The following NTRK3 variants were observed in gnomAD, a reference collection of about 807,000 sequenced individuals.
The protein encoded by NTRK3 is NT-3 growth factor receptor.
NTRK3 carries 24 observed loss-of-function variants against 91.7 expected under a neutral mutation model. The observed-to-expected ratio is 0.26, with a 90% CI of 0.19 to 0.37. The LOEUF is 0.37. NTRK3 is among the 10% of genes least tolerant of loss of function. The probability of loss-of-function intolerance (pLI) is 1.00; values close to 1 mark genes in which losing one functional copy is unlikely to be tolerated. For missense variants in NTRK3, 880 were observed against 1,068.9 expected, an observed-to-expected ratio of 0.82 and a Z score of 2.46; for synonymous variants, 483 against 404.0, an observed-to-expected ratio of 1.20 and a Z score of -2.34.
chr15:88,132,865 C>T (rs2041500019), intron 10 of NTRK3, among the ~76,000 whole-genome samples: 1 of 152,194 alleles, frequency 6.6e-6, no homozygotes, highest in Non-Finnish European at 1.5e-5. Context: ...GTGACCCTAG[C>T]AGGATGGAGA....
At chr15:88,022,171 G>C (rs1415969571) in intron 14 of NTRK3, among the ~76,000 whole-genome samples, 2 of 152,106 alleles carry the variant, frequency 1.3e-5, no homozygotes, top group East Asian at 1.9e-4. Context: ...GTGCATATGA[G>C]CTTCCTGGGG....
rs146291964 is a variant in NTRK3, at chr15:88,248,039, C to T, written c.248+7867G>A. Among the ~76,000 whole-genome samples the T allele has an allele frequency of 9.8e-3, 1,500 of 152,322 alleles. 26 individuals are homozygous for T. Among genetic ancestry groups the T allele is most frequent in the African/African-American group, 0.033 (1,383 of 41,568 alleles). On this transcript the variant is annotated intron_variant, in intron 3 of 18. Coordinates refer to ENST00000394480, the Ensembl canonical transcript of NTRK3. ...CTGGGAGAAGCCACTCAGCCCTCTG[C>T]TCTCCCATCCAGGCTCTCGCTGGCC... is the stretch of plus-strand genomic sequence containing the variant.
intron 17 of NTRK3, among the ~76,000 whole-genome samples, chr15:87,895,797 T>TTTTATTTTATTTA (rs1288019417): frequency 9.2e-5 from 14 of 151,452 alleles, no homozygotes; most frequent in African/African-American, 3.1e-4. Context: ...TTTCATTTTA[T>TTTTATTTTATTTA]TTTATTTTAT....
rs184243542 is a variant in NTRK3 at position 87,921,174 on chromosome 15, C to T, written c.2133+8017G>A. Among the ~76,000 whole-genome samples the T allele has an allele frequency of 1.9e-3, 294 of 152,232 alleles. 1 individual carries two copies. Among genetic ancestry groups the T allele is most frequent in the African/African-American group, 6.4e-3 (265 of 41,546 alleles). The stretch of plus-strand genomic sequence containing the variant: ...CCACTTCCTCGGGAATGGAATACAA[C>T]GCTCCTCCATTGTTCTCCTCTATAT... On this transcript the variant is annotated intron_variant, in intron 17 of 18. Coordinates refer to ENST00000394480, the Ensembl canonical transcript of NTRK3.
At chr15:88,030,846 T>C (rs998773026) in intron 14 of NTRK3, among the ~76,000 whole-genome samples, 1 of 152,200 alleles carries the variant, frequency 6.6e-6, no homozygotes, top group Non-Finnish European at 1.5e-5. Context: ...GTTCTAAAAT[T>C]CTTGTTTCAA....
intron 13 of NTRK3, among the ~76,000 whole-genome samples, chr15:88,119,865 A>G (rs1161007363): frequency 1.3e-5 from 2 of 152,216 alleles, no homozygotes; most frequent in African/African-American, 4.8e-5. Flanking sequence ...TTACTCAACA[A>G]TACCAATAGT....
At chr15:88,213,457 G>T (rs957286473) in intron 3 of NTRK3, among the ~76,000 whole-genome samples, 2 of 152,198 alleles carry the variant, frequency 1.3e-5, no homozygotes, top group Non-Finnish European at 2.9e-5. Context: ...GTGAGGGTGT[G>T]CCCACAGCCC....
chr15:88,101,520 T>C (rs1376649333), intron 13 of NTRK3, among the ~76,000 whole-genome samples: 1 of 152,226 alleles, frequency 6.6e-6, no homozygotes, highest in Non-Finnish European at 1.5e-5. Context: ...TTACTGGGTA[T>C]ATACCCAAAG....
chr15:88,136,785 A>G (rs2041918656), intron 7 of NTRK3, among the ~76,000 whole-genome samples, 176 bp from the exon 8 acceptor site: 1 of 152,222 alleles, frequency 6.6e-6, no homozygotes, highest in Non-Finnish European at 1.5e-5. Context: ...CCTCCCCAGT[A>G]GACATCAGAA....
chr15:87,940,498 G>T, intron 15 of NTRK3, 125 bp downstream of exon 15: 1 of 1,482,036 alleles, frequency 6.7e-7, no homozygotes, highest in South Asian at 1.1e-5. Flanking sequence ...TCGGAGCAAA[G>T]TCCTTTGATT....
chr15:87,929,852 A>C (rs909507136), intron 16 of NTRK3, among the ~76,000 whole-genome samples: 3 of 152,228 alleles, frequency 2.0e-5, no homozygotes, highest in African/African-American at 7.2e-5. Flanking sequence ...GAAATAAAGA[A>C]ATTGAGGCAC....
chr15:88,136,685 T>C, intron 7 of NTRK3, 76 bp from the exon 8 acceptor site: 2 of 1,542,658 alleles, frequency 1.3e-6, no homozygotes, highest in Non-Finnish European at 1.8e-6. Flanking sequence ...ATGGGGCTGA[T>C]GGTGGCACTT....
intron 14 of NTRK3, among the ~76,000 whole-genome samples, chr15:87,984,151 C>A (rs2074535371): frequency 6.6e-6 from 1 of 152,016 alleles, no homozygotes; most frequent in East Asian, 1.9e-4. Flanking sequence ...ATAGTCATAC[C>A]CTAACCAAGG....
At chr15:87,935,299 C>T (rs2069171588) in intron 15 of NTRK3, among the ~76,000 whole-genome samples, 1 of 152,154 alleles carries the variant, frequency 6.6e-6, no homozygotes, top group Non-Finnish European at 1.5e-5. Flanking sequence ...AGGGCAAGGA[C>T]ATGTGATCAG....
At chr15:88,112,286 C>T (rs2051494317) in intron 13 of NTRK3, among the ~76,000 whole-genome samples, 1 of 152,202 alleles carries the variant, frequency 6.6e-6, no homozygotes, top group Non-Finnish European at 1.5e-5. Context: ...AATAAACCAA[C>T]ATGTCAAGGC....
chr15:88,224,593 T>TA (rs1158051266), intron 3 of NTRK3, among the ~76,000 whole-genome samples: 2 of 152,228 alleles, frequency 1.3e-5, no homozygotes, highest in Non-Finnish European at 2.9e-5. Flanking sequence ...ATAAAGTCCA[T>TA]AGCAGGGCCT....
At chr15:87,872,754 T>C (rs1171302136) in exon 19 of NTRK3, 3 of 232,720 alleles carry the variant, frequency 1.3e-5, no homozygotes, top group African/African-American at 6.6e-5. Flanking sequence ...TCCTTTGCCA[T>C]TGGTAACTTT....
intron 3 of NTRK3, among the ~76,000 whole-genome samples, chr15:88,189,053 A>G (rs1284728049): frequency 2.0e-5 from 3 of 152,216 alleles, no homozygotes; most frequent in Non-Finnish European, 4.4e-5. Context: ...ACAGTGGGGC[A>G]TAATACATGA....
chr15:87,915,951 G>A (rs568257910), intron 17 of NTRK3, among the ~76,000 whole-genome samples: 3 of 152,084 alleles, frequency 2.0e-5, no homozygotes, highest in African/African-American at 4.8e-5. Flanking sequence ...GTGGGTGCTC[G>A]GCCCATCTGC....
Sources: allele counts gnomAD v4.1 joint callset (sites outside exome capture counted in the v4.1 genomes callset), GRCh38; gene constraint gnomAD v4.1.1; transcripts MANE v1.5; gene names NCBI Gene and HGNC (gene_info 2026-07-23, HGNC 2026-07-21).